The following DHRSX variants were observed in gnomAD, a reference collection of about 807,000 sequenced individuals.
DHRSX encodes the protein polyprenol dehydrogenase.
Under a neutral mutation model 34.0 loss-of-function variants are expected in DHRSX, and 31 were observed. That is an observed-to-expected ratio of 0.91 (90% CI 0.69 to 1.23). DHRSX has a LOEUF of 1.23. DHRSX is among the 50% of genes most tolerant of loss of function. The probability of loss-of-function intolerance (pLI) is 0.00; values close to 1 mark genes in which losing one functional copy is unlikely to be tolerated. For missense variants in DHRSX, 414 were observed against 428.1 expected, an observed-to-expected ratio of 0.97 and a Z score of 0.29; for synonymous variants, 201 against 183.8, an observed-to-expected ratio of 1.09 and a Z score of -0.76.
At chrX:2,364,052 C>T (rs750363829) in intron 3 of DHRSX, among the ~76,000 whole-genome samples, 3 of 152,196 alleles carry the variant, frequency 2.0e-5, no homozygotes, top group African/African-American at 4.8e-5. Flanking sequence ...CATAATGCTA[C>T]GTAGGATGTC....
chrX:2,238,319 T>C (rs1044708472), intron 6 of DHRSX, among the ~76,000 whole-genome samples: 17 of 152,126 alleles, frequency 1.1e-4, no homozygotes, highest in African/African-American at 3.9e-4. Context: ...ATTGTACCAC[T>C]GCACTCCAGC....
At chrX:2,440,177 T>C (rs1162351529) in intron 1 of DHRSX, among the ~76,000 whole-genome samples, 1 of 152,076 alleles carries the variant, frequency 6.6e-6, no homozygotes, top group Non-Finnish European at 1.5e-5. Context: ...AAGAGAGGTG[T>C]GTCTGTCTTC....
intron 3 of DHRSX, 55 bp downstream of exon 3, chrX:2,408,690 C>A: frequency 6.6e-7 from 1 of 1,504,690 alleles, no homozygotes; most frequent in South Asian, 1.2e-5. Flanking sequence ...ACGCAAACGA[C>A]CTGTCCCAAG....
intron 3 of DHRSX, among the ~76,000 whole-genome samples, chrX:2,310,237 G>T (rs1351517344): frequency 6.6e-6 from 1 of 152,138 alleles, no homozygotes; most frequent in African/African-American, 2.4e-5. Context: ...GTCTTGAGCA[G>T]GGACGAAGCT....
At chrX:2,289,046 T>C (rs2041837599) in intron 4 of DHRSX, among the ~76,000 whole-genome samples, 1 of 152,160 alleles carries the variant, frequency 6.6e-6, no homozygotes, top group South Asian at 2.1e-4. Flanking sequence ...CATATACACA[T>C]TGCTCAGTAA....
chrX:2,288,080 G>T (rs1433988269), intron 4 of DHRSX, among the ~76,000 whole-genome samples: 2 of 151,610 alleles, frequency 1.3e-5, no homozygotes, highest in Non-Finnish European at 2.9e-5. Flanking sequence ...TAATCACAAT[G>T]GTTCTTCTAC....
intron 3 of DHRSX, among the ~76,000 whole-genome samples, chrX:2,333,698 C>T (rs982573557): frequency 6.6e-6 from 1 of 152,112 alleles, no homozygotes; most frequent in Non-Finnish European, 1.5e-5. Context: ...CAGGTGTGAG[C>T]CACTGCGCCC....
intron 5 of DHRSX, among the ~76,000 whole-genome samples, chrX:2,259,282 AT>A (rs939445768): frequency 4.7e-5 from 7 of 149,366 alleles, no homozygotes; most frequent in African/African-American, 1.7e-4. Flanking sequence ...CAAAAAAAAA[AT>A]ATATAGATAG....
chrX:2,423,141 G>A (rs1229131995), intron 2 of DHRSX, among the ~76,000 whole-genome samples: 1 of 150,910 alleles, frequency 6.6e-6, no homozygotes, highest in South Asian at 2.1e-4. Flanking sequence ...GGCCAGGCAC[G>A]GTGGTTCATG....
At chrX:2,455,741 CAAAAAAAA>C (rs752123891) in intron 1 of DHRSX, among the ~76,000 whole-genome samples, 1 of 59,806 alleles carries the variant, frequency 1.7e-5, no homozygotes, top group Non-Finnish European at 3.3e-5. Context: ...AACTTCGTCT[CAAAAAAAA>C]AAAAAAAAAA....
At chrX:2,355,868 C>A (rs1216232848) in intron 3 of DHRSX, among the ~76,000 whole-genome samples, 1 of 151,810 alleles carries the variant, frequency 6.6e-6, no homozygotes, top group Non-Finnish European at 1.5e-5. Context: ...GAGTTTGAGA[C>A]CACCCAGGCC....
intron 3 of DHRSX, among the ~76,000 whole-genome samples, chrX:2,341,206 A>C (rs2042635822): frequency 6.6e-6 from 1 of 152,078 alleles, no homozygotes; most frequent in Non-Finnish European, 1.5e-5. Flanking sequence ...AAGCTGAATC[A>C]CCGCACACGC....
At chrX:2,423,183 T>C (rs1569499519) in intron 2 of DHRSX, among the ~76,000 whole-genome samples, 2 of 150,740 alleles carry the variant, frequency 1.3e-5, no homozygotes, top group South Asian at 2.1e-4. Flanking sequence ...GAGGCGGAGG[T>C]GGGCAGATCA....
At chrX:2,385,368 T>C (rs1332386495) in intron 3 of DHRSX, among the ~76,000 whole-genome samples, 2 of 152,130 alleles carry the variant, frequency 1.3e-5, no homozygotes, top group Non-Finnish European at 2.9e-5. Context: ...TTGTGGTTTA[T>C]GAGAGAACCA....
chrX:2,358,554 C>A (rs373566268), intron 3 of DHRSX, among the ~76,000 whole-genome samples: 3 of 152,122 alleles, frequency 2.0e-5, no homozygotes, highest in South Asian at 4.2e-4. Flanking sequence ...AAAAAATTAG[C>A]CAGGCATGGT....
chrX:2,295,102 C>T (rs754554770), intron 3 of DHRSX, among the ~76,000 whole-genome samples: 10 of 152,224 alleles, frequency 6.6e-5, no homozygotes, highest in African/African-American at 2.4e-4. Flanking sequence ...ATAAATCATT[C>T]TACTATAAAG....
intron 1 of DHRSX, among the ~76,000 whole-genome samples, chrX:2,496,260 G>A (rs1326308320): frequency 1.3e-5 from 2 of 152,040 alleles, no homozygotes; most frequent in Non-Finnish European, 2.9e-5. Context: ...GTGCAGTGGC[G>A]CAATCTTGGC....
Position 2,221,006 on chromosome X carries a change from G to T in DHRSX, c.*35C>A. The T allele has an allele frequency of 6.2e-7, 1 of 1,604,176 alleles. No homozygotes were observed. Among genetic ancestry groups the T allele is most frequent in the South Asian group, 1.1e-5 (1 of 89,708 alleles). On this transcript the variant is annotated 3_prime_UTR_variant, in exon 7 of 7. Transcript: ENST00000334651. Reference sequence around the variant, plus strand: ...CACAAGCTATTGGCAGGTGCAATGTGTTTCTTGGGGCAGCAGCTATCCTGA... The same window carrying T: ...CACAAGCTATTGGCAGGTGCAATGTTTTTCTTGGGGCAGCAGCTATCCTGA...
intron 1 of DHRSX, among the ~76,000 whole-genome samples, chrX:2,440,702 G>A (rs888014543): frequency 6.6e-6 from 1 of 151,982 alleles, no homozygotes; most frequent in Admixed American, 6.6e-5. Context: ...ATTTGCCAGG[G>A]GCTCCTGGAC....
Sources: allele counts gnomAD v4.1 joint callset (sites outside exome capture counted in the v4.1 genomes callset), GRCh38; gene constraint gnomAD v4.1.1; transcripts MANE v1.5; gene names NCBI Gene and HGNC (gene_info 2026-07-23, HGNC 2026-07-21).